Variants in DLC1 observed in about 807,000 individuals in gnomAD.
DLC1 encodes DLC1 Rho GTPase activating protein.
Under a neutral mutation model 140.3 loss-of-function variants are expected in DLC1, and 54 were observed. That is an observed-to-expected ratio of 0.38 (90% CI 0.31 to 0.48). The LOEUF is 0.48. Ranked by LOEUF, DLC1 falls within the 20% of genes least tolerant of loss-of-function variation. DLC1 has a pLI of 0.96. For missense variants in DLC1, 2,536 were observed against 1,907.0 expected (o/e 1.33, Z -6.14); for synonymous variants, 986 against 728.1 (o/e 1.35, Z -5.70).
At chr8:13,379,290 C>T (rs1040880415) in intron 4 of DLC1, among the ~76,000 whole-genome samples, 1 of 152,116 alleles carries the variant, frequency 6.6e-6, no homozygotes, top group Non-Finnish European at 1.5e-5. Context: ...CCGTTTGAGA[C>T]CCCACAACAG....
rs181253334 is a variant in DLC1 at position 13,363,539 on chromosome 8, C to A, written c.1314+30014G>T. Among the ~76,000 whole-genome samples the A allele has an allele frequency of 2.0e-5, 3 of 152,004 alleles. No individual in the cohort carries two copies. In the East Asian group the frequency reaches 5.8e-4, roughly 29 times the overall value. ...CTTTTTCCAAAAGTTATTGTTCTGT[C>A]TATTACACAGAAGGCATGAGAGAGG... On this transcript the variant is annotated intron_variant, in intron 4 of 17. Transcript: ENST00000276297.
At chr8:13,289,581 T>A (rs950573984) in intron 5 of DLC1, among the ~76,000 whole-genome samples, 30 of 152,180 alleles carry the variant, frequency 2.0e-4, no homozygotes, top group Admixed American at 1.3e-3. Flanking sequence ...TCCTCCTGCC[T>A]TGGCCTTCCA....
intron 4 of DLC1, among the ~76,000 whole-genome samples, chr8:13,369,628 C>T (rs925731038): frequency 6.6e-6 from 1 of 152,034 alleles, no homozygotes; most frequent in Non-Finnish European, 1.5e-5. Context: ...TTCATCAGAA[C>T]CCCTGTTTTT....
At chr8:13,090,989 G>A (rs925185587) in intron 14 of DLC1, among the ~76,000 whole-genome samples, 4 of 150,812 alleles carry the variant, frequency 2.7e-5, no homozygotes, top group African/African-American at 7.3e-5. Flanking sequence ...ATTTTTTTTT[G>A]TAGAGATGAG....
rs149035526 is a variant in DLC1, at chr8:13,086,909, C to T, written c.4293-446G>A. Among the ~76,000 whole-genome samples, 69 of 152,182 alleles carry T rather than the reference C, an allele frequency of 4.5e-4. No individual in the cohort carries two copies. In the South Asian group the frequency reaches 6.5e-3, roughly 14 times the overall value. ...GCATGGTGGTGTGCTCCTGTAGTCT[C>T]AGCTACTCCGGGGGCTGAGATGGTA... On this transcript the variant is annotated intron_variant, in intron 16 of 17. Coordinates refer to ENST00000276297, the MANE Select transcript of DLC1 (RefSeq NM_182643.3).
intron 5 of DLC1, among the ~76,000 whole-genome samples, chr8:13,273,743 G>A (rs944099721): frequency 1.3e-5 from 2 of 148,586 alleles, no homozygotes; most frequent in East Asian, 2.0e-4. Context: ...GGGGAAGGGG[G>A]GAGGGAGGGA....
intron 2 of DLC1, among the ~76,000 whole-genome samples, chr8:13,475,020 C>T (rs1585170966): frequency 6.6e-6 from 1 of 151,910 alleles, no homozygotes; most frequent in Non-Finnish European, 1.5e-5. Flanking sequence ...GCCATATTGC[C>T]CAGGCTGGTC....
At chr8:13,526,734 G>A (rs1802930850) in intron 1 of DLC1, among the ~76,000 whole-genome samples, 1 of 151,800 alleles carries the variant, frequency 6.6e-6, no homozygotes, top group South Asian at 2.1e-4. Flanking sequence ...AGAACACATG[G>A]ACACAGGAAG....
intron 5 of DLC1, among the ~76,000 whole-genome samples, chr8:13,302,495 G>A (rs148264450): frequency 4.9e-4 from 74 of 152,238 alleles, no homozygotes; most frequent in African/African-American, 1.6e-3. Flanking sequence ...TCATAGCAAC[G>A]TGGATCAGAA....
Position 13,371,900 on chromosome 8 carries a change from G to A in DLC1, c.1314+21653C>T, listed in dbSNP as rs191561123. Reference sequence around the variant, plus strand: ...AGTAAATGTAATGTACAGACCAGAAGGTAATATTGGGCATTTGAAAGGATG... The same window carrying A: ...AGTAAATGTAATGTACAGACCAGAAAGTAATATTGGGCATTTGAAAGGATG... On this transcript the variant is annotated intron_variant, in intron 4 of 17. Transcript: ENST00000276297. Among the ~76,000 whole-genome samples the A allele has an allele frequency of 9.6e-3, 1,464 of 152,068 alleles. 21 individuals carry two copies. Among genetic ancestry groups the A allele is most frequent in the African/African-American group, 0.033 (1,384 of 41,526 alleles).
chr8:13,183,681 G>A (rs953939898), intron 5 of DLC1, among the ~76,000 whole-genome samples: 4 of 152,156 alleles, frequency 2.6e-5, no homozygotes, highest in African/African-American at 9.7e-5. Context: ...TGATCGTGGT[G>A]GATAAGCTTT....
rs562554581 is a variant in DLC1 at position 13,135,595 on chromosome 8, A to G, written c.1349-19938T>C. Among the ~76,000 whole-genome samples, 4 of 152,350 alleles carry G rather than the reference A, an allele frequency of 2.6e-5. No individual in the cohort carries two copies. In the South Asian group the frequency reaches 6.2e-4, roughly 24 times the overall value. Reference sequence around the variant, plus strand: ...AAAAATAAGAGTGCACCTTCGAAACATACTAATTTATCTTATTTATTAAAA... The same window carrying G: ...AAAAATAAGAGTGCACCTTCGAAACGTACTAATTTATCTTATTTATTAAAA... On this transcript the variant is annotated intron_variant, in intron 5 of 17. Transcript: ENST00000276297.
chr8:13,199,675 T>C (rs1202103708), intron 5 of DLC1, among the ~76,000 whole-genome samples: 1 of 152,216 alleles, frequency 6.6e-6, no homozygotes, highest in Non-Finnish European at 1.5e-5. Context: ...AATGGCTTCT[T>C]CATAAGATGG....
chr8:13,280,900 C>T (rs1406699162), intron 5 of DLC1, among the ~76,000 whole-genome samples: 1 of 152,208 alleles, frequency 6.6e-6, no homozygotes, highest in Non-Finnish European at 1.5e-5. Flanking sequence ...TGGTTAAGTC[C>T]TATGAGTGAT....
intron 5 of DLC1, among the ~76,000 whole-genome samples, chr8:13,218,887 T>TATA (rs1828359783): frequency 8.2e-6 from 1 of 122,570 alleles, no homozygotes; most frequent in South Asian, 2.4e-4. Context: ...TAATTATATA[T>TATA]GAATATATAT....
chr8:13,296,629 A>G (rs909510289), intron 5 of DLC1, among the ~76,000 whole-genome samples: 2 of 152,158 alleles, frequency 1.3e-5, no homozygotes, highest in Non-Finnish European at 2.9e-5. Context: ...AAATAAACAG[A>G]TTGATTCAAA....
At chr8:13,192,188 T>C (rs1274856144) in intron 5 of DLC1, among the ~76,000 whole-genome samples, 1 of 151,944 alleles carries the variant, frequency 6.6e-6, no homozygotes, top group African/African-American at 2.4e-5. Context: ...TGACCTCAGG[T>C]GATCTGCCGG....
At chr8:13,364,073 G>A (rs893720671) in intron 4 of DLC1, among the ~76,000 whole-genome samples, 1 of 152,110 alleles carries the variant, frequency 6.6e-6, no homozygotes, top group Non-Finnish European at 1.5e-5. Context: ...GCATGCATGT[G>A]ACTTCAGCTT....
At chr8:13,514,975 G>A (rs569931543), upstream of DLC1, 78 of 245,402 alleles carry the variant, frequency 3.2e-4, no homozygotes, top group African/African-American at 1.6e-3. Flanking sequence ...GAGCCCAGCC[G>A]CCTGGGCGTT....
Sources: allele counts gnomAD v4.1 joint callset (sites outside exome capture counted in the v4.1 genomes callset), GRCh38; gene constraint gnomAD v4.1.1; transcripts MANE v1.5; gene names NCBI Gene and HGNC (gene_info 2026-07-23, HGNC 2026-07-21).